ZFAND5: variants seen among roughly 807,000 people sequenced by gnomAD.
ZFAND5 encodes the protein AN1-type zinc finger protein 5.
A neutral mutation model predicts 23.6 loss-of-function variants in ZFAND5; 4 were observed. The observed-to-expected ratio is 0.17, with a 90% CI of 0.08 to 0.39. The LOEUF is 0.39. Ranked by LOEUF, ZFAND5 falls within the 10% of genes least tolerant of loss-of-function variation. The pLI is 1.00. For missense variants in ZFAND5, 161 were observed against 253.7 expected (o/e 0.63, Z 2.48); for synonymous variants, 68 against 80.6 (o/e 0.84, Z 0.84).
rs199813458 is a variant in ZFAND5, at chr9:72,356,974, C to T, written c.450G>A (p.Lys150=). ...TTCTGCACATGAAACATCTGTTTTT[C>T]TTTGGTTTGGGCAATTCAGGAGCTT... ...EEKAPELPKP[K]KNRCFMCRKK... Residue 150 remains lysine, a synonymous_variant, in exon 6 of 7, where the codon AAG becomes AAA. Transcript: ENST00000376962. 6.2e-7 allele frequency: 1 copy of T among 1,613,428 alleles called. No homozygotes were observed. Among genetic ancestry groups the T allele is most frequent in the Non-Finnish European group, 8.5e-7 (1 of 1,179,758 alleles).
chr9:72,362,573 C>T (rs1421570003), intron 2 of ZFAND5, among the ~76,000 whole-genome samples: 1 of 152,192 alleles, frequency 6.6e-6, no homozygotes, highest in Non-Finnish European at 1.5e-5. Context: ...GATACTCCAT[C>T]TAAAGATTTC....
At chr9:72,357,291 C>T (rs1374387150) in intron 5 of ZFAND5, among the ~76,000 whole-genome samples, 1 of 152,114 alleles carries the variant, frequency 6.6e-6, no homozygotes. Flanking sequence ...AAAATGATCG[C>T]TTCACTCAAG....
intron 2 of ZFAND5, among the ~76,000 whole-genome samples, chr9:72,361,678 C>A (rs1054826548): frequency 6.6e-6 from 1 of 152,134 alleles, no homozygotes; most frequent in South Asian, 2.1e-4. Context: ...ACATAGCAAG[C>A]ATTTGTTTCC....
intron 4 of ZFAND5, 110 bp from the exon 5 acceptor site, chr9:72,359,631 A>G: frequency 1.0e-6 from 1 of 980,340 alleles, no homozygotes; most frequent in Non-Finnish European, 1.5e-6. Context: ...AAATGAGCAA[A>G]TGGAGCTAGA....
intron 5 of ZFAND5, among the ~76,000 whole-genome samples, chr9:72,357,594 A>G (rs1184367252): frequency 1.3e-5 from 2 of 152,168 alleles, no homozygotes; most frequent in African/African-American, 4.8e-5. Context: ...AAATTCCAAA[A>G]CAATCATTTT....
intron 2 of ZFAND5, among the ~76,000 whole-genome samples, chr9:72,362,364 A>G (rs1458734802): frequency 1.3e-5 from 2 of 152,166 alleles, no homozygotes. Flanking sequence ...ACCACGCACA[A>G]AATATGTGTG....
In ZFAND5 at chr9:72,352,154, AC is replaced by A. The variant is rs1841789968; in HGVS notation, c.*3798del. On this transcript the variant is annotated 3_prime_UTR_variant, in exon 7 of 7. Transcript: ENST00000376962. Reference sequence around the variant, plus strand: ...CTAAAAATACAAAAAAACCCAAAAAACAAAAAACATTAGCCAGGTGTGGTGA... The same window carrying A: ...CTAAAAATACAAAAAAACCCAAAAAAAAAAAACATTAGCCAGGTGTGGTGA... 6.6e-6 allele frequency: 1 copy of A among 152,118 alleles called. No homozygotes were observed. Among genetic ancestry groups the A allele is most frequent in the Admixed American group, 6.6e-5 (1 of 15,258 alleles). 9.4% of individuals were successfully genotyped at this position (152,118 alleles called of 1,614,324 possible). A position where few individuals can be genotyped will look rare whatever the true frequency, so the allele number is the denominator to read the frequency against.
Position 72,355,966 on chromosome 9 carries a change from A to T in ZFAND5, c.629T>A (p.Ile210Asn). 6.2e-7 allele frequency: 1 copy of T among 1,605,306 alleles called. No homozygotes were observed. Among genetic ancestry groups the T allele is most frequent in the East Asian group, 2.2e-5 (1 of 44,826 alleles). Residue 210 changes from isoleucine to asparagine, a missense_variant, in exon 7 of 7, where the codon ATT becomes AAT. Around this residue, in one of 3 missense-constraint regions of ZFAND5, gnomAD observed 24 missense variants for 80.0 expected, o/e 0.30. Transcript: ENST00000376962. ...KENPVVVAEK[I>N]QRI ...ACAAGAAGTAATTTATATTCTCTGAATTTTTTCAGCCACAACAACTGGATT... is the reference window on the plus strand; with the variant it reads ...ACAAGAAGTAATTTATATTCTCTGATTTTTTTCAGCCACAACAACTGGATT...
At chr9:72,364,595 T>C in intron 1 of ZFAND5, 101 bp downstream of exon 1, 1 of 1,235,922 alleles carries the variant, frequency 8.1e-7, no homozygotes, top group East Asian at 7.7e-5. Context: ...CGCGGCCTGC[T>C]CCGGCTTCGC....
At chr9:72,361,910 A>AT (rs1291152818) in intron 2 of ZFAND5, among the ~76,000 whole-genome samples, 2 of 152,332 alleles carry the variant, frequency 1.3e-5, no homozygotes, top group South Asian at 2.1e-4. Flanking sequence ...GTGGTCAGTC[A>AT]TTTTTTCCAA....
At chr9:72,359,299 C>A (rs1195710959) in intron 5 of ZFAND5, 119 bp downstream of exon 5, 1 of 873,762 alleles carries the variant, frequency 1.1e-6, no homozygotes. Context: ...TTTGCTTGGC[C>A]TATATTTTAT....
rs962662697 is a variant in ZFAND5, at chr9:72,354,964, G to C, written c.*989C>G. The C allele has an allele frequency of 1.3e-5, 2 of 152,614 alleles. No homozygotes were observed. The highest frequency in any genetic ancestry group is 4.8e-5 in the African/African-American group (2 of 41,440). 9.5% of individuals were successfully genotyped at this position (152,614 alleles called of 1,614,324 possible). On this transcript the variant is annotated 3_prime_UTR_variant, in exon 7 of 7. Coordinates refer to ENST00000376962, the MANE Select transcript of ZFAND5 (RefSeq NM_001102420.3). Reference sequence around the variant, plus strand: ...TGCAAGTGGTGCTGGATACCACTAAGAAGTCTACTGCAGCCATGTTGGTTA... The same window carrying C: ...TGCAAGTGGTGCTGGATACCACTAACAAGTCTACTGCAGCCATGTTGGTTA...
At chr9:72,364,580 C>A in intron 1 of ZFAND5, 116 bp downstream of exon 1, 2 of 1,250,014 alleles carry the variant, frequency 1.6e-6, no homozygotes, top group Admixed American at 2.6e-5. Context: ...CCGGACGCCG[C>A]CATCCGCGGC....
At chr9:72,361,931 G>C (rs1219461636) in intron 2 of ZFAND5, among the ~76,000 whole-genome samples, 1 of 152,118 alleles carries the variant, frequency 6.6e-6, no homozygotes, top group African/African-American at 2.4e-5. Context: ...CTACATACTA[G>C]AATACACTTT....
At chr9:72,362,631 GTCTAC>G (rs1398054555) in intron 2 of ZFAND5, among the ~76,000 whole-genome samples, 1 of 152,176 alleles carries the variant, frequency 6.6e-6, no homozygotes, top group Non-Finnish European at 1.5e-5. Flanking sequence ...CAGAGAACAT[GTCTAC>G]CTTCATTTCA....
At chr9:72,360,549 C>A in intron 3 of ZFAND5, 79 bp downstream of exon 3, 1 of 1,585,678 alleles carries the variant, frequency 6.3e-7, no homozygotes, top group Admixed American at 1.7e-5. Flanking sequence ...GTGCTTTCAG[C>A]ATTCTCAGCC....
chr9:72,359,196 G>C (rs772932249), intron 5 of ZFAND5, among the ~76,000 whole-genome samples: 3 of 152,158 alleles, frequency 2.0e-5, no homozygotes, highest in Non-Finnish European at 4.4e-5. Flanking sequence ...CAAGGGTAGT[G>C]CAGGGGATGA....
intron 6 of ZFAND5, 70 bp from the exon 7 acceptor site, chr9:72,356,171 T>A: frequency 6.5e-7 from 1 of 1,546,474 alleles, no homozygotes; most frequent in Non-Finnish European, 8.7e-7. Context: ...CCTTAGTCAC[T>A]ATAGAAAAGG....
intron 5 of ZFAND5, among the ~76,000 whole-genome samples, chr9:72,359,118 T>C (rs1397814121): frequency 6.6e-6 from 1 of 152,168 alleles, no homozygotes; most frequent in African/African-American, 2.4e-5. Flanking sequence ...CCTTATACCC[T>C]TGAAATTTAA....
Sources: gnomAD v4.1 joint callset for allele counts (sites outside exome capture counted in the v4.1 genomes callset) on GRCh38, gnomAD v4.1.1 for gene constraint, gnomAD v4.1.1 regional missense constraint, MANE v1.5 for transcripts, NCBI Gene and HGNC (gene_info 2026-07-23, HGNC 2026-07-21) for gene names.